PRKG1: variants seen among roughly 807,000 people sequenced by gnomAD.
The protein encoded by PRKG1 is cGMP-dependent protein kinase 1.
Under a neutral mutation model 88.1 loss-of-function variants are expected in PRKG1, and 35 were observed. The ratio of observed to expected loss-of-function variants is 0.40; its 90% CI spans 0.30 to 0.53. PRKG1 has a LOEUF of 0.53. Among genes scored for constraint, PRKG1 ranks in the 20% least tolerant of loss-of-function variants. The pLI is 0.59. For missense variants in PRKG1, 540 were observed against 839.8 expected, an observed-to-expected ratio of 0.64 and a Z score of 4.41; for synonymous variants, 303 against 292.5, an observed-to-expected ratio of 1.04 and a Z score of -0.37.
At chr10:51,523,882 G>A (rs529854210) in intron 3 of PRKG1, among the ~76,000 whole-genome samples, 1 of 152,148 alleles carries the variant, frequency 6.6e-6, no homozygotes, top group Non-Finnish European at 1.5e-5. Flanking sequence ...TAATTGATAT[G>A]GTTTGGATCT....
At chr10:51,555,011 G>A (rs1472993501) in intron 3 of PRKG1, among the ~76,000 whole-genome samples, 1 of 151,918 alleles carries the variant, frequency 6.6e-6, no homozygotes, top group Admixed American at 6.6e-5. Context: ...TGCAGCAAAG[G>A]TGTTTGTTAA....
intron 9 of PRKG1, among the ~76,000 whole-genome samples, chr10:52,166,335 T>A (rs1424304538): frequency 6.6e-6 from 1 of 151,976 alleles, no homozygotes; most frequent in Admixed American, 6.6e-5. Context: ...TACAGTTCAG[T>A]AGGGAAGCTG....
At chr10:51,680,875 C>A (rs1238007118) in intron 3 of PRKG1, among the ~76,000 whole-genome samples, 2 of 152,156 alleles carry the variant, frequency 1.3e-5, no homozygotes, top group Non-Finnish European at 2.9e-5. Flanking sequence ...TGGCATTAGA[C>A]AAATGTTGGC....
chr10:51,946,004 C>A (rs1255043711), intron 5 of PRKG1, among the ~76,000 whole-genome samples: 1 of 151,444 alleles, frequency 6.6e-6, no homozygotes, highest in East Asian at 1.9e-4. Context: ...TGTTGGCCTG[C>A]CTTGCTAGAT....
chr10:51,461,158 G>A (rs975641956), intron 2 of PRKG1, among the ~76,000 whole-genome samples: 2 of 152,088 alleles, frequency 1.3e-5, no homozygotes, highest in African/African-American at 4.8e-5. Flanking sequence ...ATTTATAGCA[G>A]TCATGACCAG....
At chr10:52,127,603 G>A (rs1298165850) in intron 7 of PRKG1, among the ~76,000 whole-genome samples, 1 of 152,094 alleles carries the variant, frequency 6.6e-6, no homozygotes, top group African/African-American at 2.4e-5. Flanking sequence ...GAAACTTAGG[G>A]AAGGGGACTA....
intron 1 of PRKG1, among the ~76,000 whole-genome samples, chr10:51,037,816 C>G (rs1161753298): frequency 1.3e-5 from 2 of 151,996 alleles, no homozygotes; most frequent in Middle Eastern, 3.4e-3. Context: ...TTTCAGGCCA[C>G]AAGTATTTCA....
At chr10:51,255,704 C>A (rs1839539804) in intron 2 of PRKG1, among the ~76,000 whole-genome samples, 1 of 152,072 alleles carries the variant, frequency 6.6e-6, no homozygotes, top group African/African-American at 2.4e-5. Flanking sequence ...TGCTTCCCAG[C>A]TGAGGCACTT....
At chr10:51,638,565 G>A (rs144258640) in intron 3 of PRKG1, among the ~76,000 whole-genome samples, 17 of 152,268 alleles carry the variant, frequency 1.1e-4, no homozygotes, top group East Asian at 9.6e-4. Context: ...ATTCTTTGTC[G>A]CAAGCTGTCT....
chr10:51,471,524 G>A (rs540947226), intron 3 of PRKG1, among the ~76,000 whole-genome samples: 4 of 151,664 alleles, frequency 2.6e-5, no homozygotes, highest in African/African-American at 9.7e-5. Context: ...TACCCTCACA[G>A]CTATAGCAAT....
chr10:52,237,534 CAG>C (rs1473074459), intron 9 of PRKG1, among the ~76,000 whole-genome samples: 3 of 134,728 alleles, frequency 2.2e-5, no homozygotes, highest in Non-Finnish European at 3.1e-5. Flanking sequence ...AACAGACAAA[CAG>C]AGAGCCAAAT....
chr10:51,158,070 G>A (rs1253295592), intron 2 of PRKG1, among the ~76,000 whole-genome samples: 1 of 151,742 alleles, frequency 6.6e-6, no homozygotes, highest in Non-Finnish European at 1.5e-5. Flanking sequence ...TATTATCATT[G>A]TCTGTACTCA....
At chr10:51,783,085 G>GA (rs1197377544) in intron 3 of PRKG1, among the ~76,000 whole-genome samples, 16 of 151,746 alleles carry the variant, frequency 1.1e-4, no homozygotes, top group Admixed American at 7.2e-4. Flanking sequence ...GTCTCTTTTA[G>GA]AAAAAAACAA....
At chr10:51,747,271 G>T (rs1312527074) in intron 3 of PRKG1, among the ~76,000 whole-genome samples, 1 of 152,078 alleles carries the variant, frequency 6.6e-6, no homozygotes, top group Non-Finnish European at 1.5e-5. Flanking sequence ...TGTGAAAAAA[G>T]GTGCACTTCT....
Position 52,294,531 on chromosome 10 carries a change from A to C in PRKG1, c.*631A>C, listed in dbSNP as rs946906411. 2.0e-5 allele frequency: 3 copies of C among 152,656 alleles called. No homozygotes were observed. Among genetic ancestry groups the C allele is most frequent in the Non-Finnish European group, 2.9e-5 (2 of 68,040 alleles). 9.5% of individuals were successfully genotyped at this position (152,656 alleles called of 1,614,324 possible). On this transcript the variant is annotated 3_prime_UTR_variant, in exon 18 of 18. Coordinates refer to ENST00000373980, the MANE Select transcript of PRKG1 (RefSeq NM_006258.4). ...TTTTAAAAATTGATATGATAAAAGC[A>C]CAACTGCTATAGATTCTGCTGAGAC...
chr10:51,468,495 G>T (rs1385587592), intron 3 of PRKG1, among the ~76,000 whole-genome samples: 1 of 151,764 alleles, frequency 6.6e-6, no homozygotes, highest in African/African-American at 2.4e-5. Context: ...AGAAGCAGCT[G>T]CAATAGTTAG....
chr10:51,082,666 A>G (rs1221641115), intron 1 of PRKG1, among the ~76,000 whole-genome samples: 1 of 152,070 alleles, frequency 6.6e-6, no homozygotes, highest in Non-Finnish European at 1.5e-5. Context: ...AAAGAGTTGA[A>G]TGTCTCTATT....
At chr10:51,485,631 G>C (rs1003029276) in intron 3 of PRKG1, among the ~76,000 whole-genome samples, 1 of 152,118 alleles carries the variant, frequency 6.6e-6, no homozygotes, top group African/African-American at 2.4e-5. Flanking sequence ...TACTTATGAG[G>C]CTCTACTAAA....
chr10:52,241,927 G>A (rs867654801), intron 9 of PRKG1, among the ~76,000 whole-genome samples: 13 of 152,240 alleles, frequency 8.5e-5, no homozygotes, highest in African/African-American at 2.2e-4. Flanking sequence ...CTTAGTCTTC[G>A]GGTAGAAAAG....
Sources: allele counts gnomAD v4.1 joint callset (sites outside exome capture counted in the v4.1 genomes callset), GRCh38; gene constraint gnomAD v4.1.1; transcripts MANE v1.5; gene names NCBI Gene and HGNC (gene_info 2026-07-23, HGNC 2026-07-21).